The following TMIE variants were observed in gnomAD, a reference collection of about 807,000 sequenced individuals.
TMIE encodes the protein transmembrane inner ear expressed protein.
TMIE carries 14 observed loss-of-function variants against 16.8 expected under a neutral mutation model. The observed-to-expected ratio is 0.83, with a 90% CI of 0.55 to 1.30. The LOEUF (loss-of-function observed/expected upper bound fraction) is 1.30. Ranked by LOEUF, TMIE falls within the 50% of genes most tolerant of loss-of-function variation. The pLI is 0.00. For synonymous variants in TMIE, 75 were observed against 87.2 expected (o/e 0.86, Z 0.78); for missense variants, 204 against 205.9 (o/e 0.99, Z 0.06).
intron 1 of TMIE, among the ~76,000 whole-genome samples, chr3:46,703,326 C>T (rs1575468388): frequency 6.6e-6 from 1 of 152,180 alleles, no homozygotes; most frequent in African/African-American, 2.4e-5. Context: ...CCCAGCTCCA[C>T]CCACATCAGG....
upstream of TMIE, among the ~76,000 whole-genome samples, chr3:46,696,920 A>T (rs529757346): frequency 6.6e-6 from 1 of 152,108 alleles, no homozygotes; most frequent in African/African-American, 2.4e-5. Context: ...GATGGGCCCA[A>T]CTGATTTTGG....
chr3:46,707,478 T>TG (rs956708638), intron 2 of TMIE, among the ~76,000 whole-genome samples: 1 of 152,110 alleles, frequency 6.6e-6, no homozygotes, highest in Non-Finnish European at 1.5e-5. Flanking sequence ...CTCCCTCTCC[T>TG]GGGGGGAAAC....
intron 1 of TMIE, among the ~76,000 whole-genome samples, chr3:46,703,937 T>C (rs1165402809): frequency 6.6e-6 from 1 of 152,168 alleles, no homozygotes; most frequent in Non-Finnish European, 1.5e-5. Flanking sequence ...ATCTCGCTCA[T>C]ATGCCCCAGG....
upstream of TMIE, among the ~76,000 whole-genome samples, chr3:46,697,247 C>T (rs181085374): frequency 4.8e-3 from 736 of 152,320 alleles, 4 homozygotes; most frequent in African/African-American, 0.017. Flanking sequence ...CCCCAGGAAA[C>T]GGAATCTCTC....
chr3:46,705,772 C>G lies in TMIE; in HGVS notation c.94-18C>G, dbSNP rs746176034. 1 of 1,612,462 alleles carries G rather than the reference C, an allele frequency of 6.2e-7. No individual in the cohort carries two copies. Among genetic ancestry groups the G allele is most frequent in the Non-Finnish European group, 8.5e-7 (1 of 1,179,142 alleles). On this transcript the variant is annotated intron_variant, in intron 1 of 3. Coordinates refer to ENST00000643606, the MANE Select transcript of TMIE (RefSeq NM_147196.3). ...GCTGGCCTCTGCCTAACTCACTCCC[C>G]TCTCTCCTGACCCACAGCCCAGCAC...
chr3:46,697,099 A>T (rs534324305), upstream of TMIE, among the ~76,000 whole-genome samples: 3 of 149,414 alleles, frequency 2.0e-5, no homozygotes, highest in Admixed American at 6.6e-5. Context: ...GCCCTCAGAG[A>T]TGTAAAGTCC....
upstream of TMIE, among the ~76,000 whole-genome samples, chr3:46,697,123 GA>G (rs11411968): frequency 3.4e-4 from 52 of 151,028 alleles, no homozygotes; most frequent in South Asian, 3.1e-3. Flanking sequence ...AAAGATGGGG[GA>G]AAAAAAAACC....
intron 1 of TMIE, among the ~76,000 whole-genome samples, chr3:46,696,073 A>G (rs1700409766): frequency 6.6e-6 from 1 of 152,088 alleles, no homozygotes; most frequent in Non-Finnish European, 1.5e-5. Context: ...AGATGTGTAT[A>G]CCCACCCACA....
Position 46,709,920 on chromosome 3 carries a change from T to G in TMIE, c.*232T>G. 1.3e-6 allele frequency: 1 copy of G among 757,782 alleles called. No individual in the cohort carries two copies. Among genetic ancestry groups the G allele is most frequent in the Non-Finnish European group, 2.1e-6 (1 of 482,946 alleles). The allele number at this position is 757,782 out of a possible 1,614,324, so 46.9% of individuals were successfully genotyped here. On this transcript the variant is annotated 3_prime_UTR_variant, in exon 4 of 4. Transcript: ENST00000643606. ...CCTTTCACCCCATCCACATGGGTAC[T>G]GTCTCGGCAGAGGTGGTCTGGTGCC...
chr3:46,697,622 C>A (rs1361296278), upstream of TMIE, among the ~76,000 whole-genome samples: 2 of 152,248 alleles, frequency 1.3e-5, no homozygotes. Context: ...GCAAATTAAG[C>A]CCAAAGAGGA....
At chr3:46,704,962 G>T (rs937010113) in intron 1 of TMIE, among the ~76,000 whole-genome samples, 2 of 152,166 alleles carry the variant, frequency 1.3e-5, no homozygotes, top group Non-Finnish European at 2.9e-5. Flanking sequence ...AGACACCCAG[G>T]AGAAGGGCTG....
chr3:46,694,325 C>T (rs560161386), upstream of TMIE, among the ~76,000 whole-genome samples: 9 of 152,318 alleles, frequency 5.9e-5, no homozygotes, highest in African/African-American at 1.9e-4. Flanking sequence ...GGCCTGAGAC[C>T]TTGGAAAGGG....
chr3:46,695,787 C>G (rs1485420768), intron 1 of TMIE, among the ~76,000 whole-genome samples: 1 of 152,198 alleles, frequency 6.6e-6, no homozygotes, highest in Non-Finnish European at 1.5e-5. Flanking sequence ...AGAGCACAGA[C>G]TTCCTGTTCA....
upstream of TMIE, among the ~76,000 whole-genome samples, chr3:46,698,180 A>C (rs935662710): frequency 6.6e-6 from 1 of 151,864 alleles, no homozygotes; most frequent in Non-Finnish European, 1.5e-5. Flanking sequence ...CCTCCCGACT[A>C]GTTGGGACTA....
chr3:46,707,582 T>C (rs1700568147), intron 2 of TMIE, among the ~76,000 whole-genome samples: 1 of 152,136 alleles, frequency 6.6e-6, no homozygotes, highest in African/African-American at 2.4e-5. Flanking sequence ...GGGGTGCCCC[T>C]GGAGGTCTCC....
intron 1 of TMIE, among the ~76,000 whole-genome samples, chr3:46,702,440 C>T (rs531471800): frequency 1.9e-4 from 29 of 152,248 alleles, no homozygotes; most frequent in African/African-American, 7.0e-4. Flanking sequence ...TACCCCACTC[C>T]TGCGGAGCCT....
intron 1 of TMIE, among the ~76,000 whole-genome samples, chr3:46,704,956 A>T (rs1700532559): frequency 6.6e-6 from 1 of 152,038 alleles, no homozygotes; most frequent in African/African-American, 2.4e-5. Flanking sequence ...TCCCCTAGAC[A>T]CCCAGGAGAA....
intron 2 of TMIE, among the ~76,000 whole-genome samples, chr3:46,707,263 T>C (rs1700562826): frequency 1.3e-5 from 2 of 152,236 alleles, no homozygotes; most frequent in Non-Finnish European, 2.9e-5. Flanking sequence ...GGGAGAGCAC[T>C]GTGGGCCTCA....
In TMIE at chr3:46,709,714, C is replaced by A; in HGVS notation, c.*26C>A. The A allele has an allele frequency of 6.2e-7, 1 of 1,613,302 alleles. No individual in the cohort carries two copies. Among genetic ancestry groups the A allele is most frequent in the Non-Finnish European group, 8.5e-7 (1 of 1,179,784 alleles). On this transcript the variant is annotated 3_prime_UTR_variant, in exon 4 of 4. Coordinates refer to ENST00000643606, the MANE Select transcript of TMIE (RefSeq NM_147196.3). The stretch of plus-strand genomic sequence containing the variant: ...AGACATCCTGGGCAGCTTGGGCTGG[C>A]GGGCCCTGGAGCTCAAGCCGTGGCC...
Sources: gnomAD v4.1 joint callset for allele counts (sites outside exome capture counted in the v4.1 genomes callset) on GRCh38, gnomAD v4.1.1 for gene constraint, MANE v1.5 for transcripts, NCBI Gene and HGNC (gene_info 2026-07-23, HGNC 2026-07-21) for gene names.